Variants in GLYR1 observed in about 807,000 individuals in gnomAD.
The protein encoded by GLYR1 is glyoxylate reductase 1 homolog, also known as cytokine-like nuclear factor N-PAC.
In GLYR1, 21 loss-of-function variants were observed where a neutral mutation model predicts 72.7. The ratio of observed to expected loss-of-function variants is 0.29; its 90% CI spans 0.20 to 0.42. GLYR1 has a LOEUF of 0.42. Among genes scored for constraint, GLYR1 ranks in the 10% least tolerant of loss-of-function variants. GLYR1 has a pLI of 1.00. For missense variants in GLYR1, 594 were observed against 712.1 expected, an observed-to-expected ratio of 0.83 and a Z score of 1.89; for synonymous variants, 392 against 270.2, an observed-to-expected ratio of 1.45 and a Z score of -4.42.
At chr16:4,845,996 C>A (rs761791416) in intron 2 of GLYR1, among the ~76,000 whole-genome samples, 178 bp downstream of exon 2, 2 of 152,170 alleles carry the variant, frequency 1.3e-5, no homozygotes, top group Non-Finnish European at 2.9e-5. Context: ...ATTTAATGAT[C>A]TGGTGTATAC....
At chr16:4,823,599 G>T (rs1200296612) in intron 6 of GLYR1, among the ~76,000 whole-genome samples, 1 of 152,186 alleles carries the variant, frequency 6.6e-6, no homozygotes, top group Admixed American at 6.5e-5. Flanking sequence ...GTAAATGAAT[G>T]CTAAGTGGGC....
Position 4,804,973 on chromosome 16 carries a change from A to T in GLYR1, c.*263T>A. On this transcript the variant is annotated 3_prime_UTR_variant, in exon 16 of 16. Transcript: ENST00000321919. ...TGTGTGTGTGTGTGTGTGTGTGTGA[A>T]CACACAGCCACCTCGTCCGGGGGGC... is the stretch of plus-strand genomic sequence containing the variant. 1 of 474,518 alleles carries T rather than the reference A, an allele frequency of 2.1e-6. No homozygotes were observed. The highest frequency in any genetic ancestry group is 2.3e-5 in the South Asian group (1 of 44,402). The allele number at this position is 474,518 out of a possible 1,614,324, so 29.4% of individuals were successfully genotyped here.
chr16:4,843,870 T>TGGGGAGGGGGGGGGGGTG, intron 3 of GLYR1: 1 of 92,872 alleles, frequency 1.1e-5, no homozygotes, highest in South Asian at 2.7e-4. Context: ...CTGAGGGGGT[T>TGGGGAGGGGGGGGGGGTG]GGGGGGGGGA....
intron 15 of GLYR1, among the ~76,000 whole-genome samples, chr16:4,809,756 T>C (rs2083219636): frequency 6.6e-6 from 1 of 151,594 alleles, no homozygotes; most frequent in African/African-American, 2.4e-5. Flanking sequence ...AAACCTCATC[T>C]CTACTAAAAA....
chr16:4,841,219 T>A (rs2085521714), intron 3 of GLYR1, among the ~76,000 whole-genome samples: 1 of 152,134 alleles, frequency 6.6e-6, no homozygotes, highest in Non-Finnish European at 1.5e-5. Context: ...TTCACCTGTT[T>A]GCCTGGTTAA....
chr16:4,832,749 A>T (rs1379298348), intron 4 of GLYR1, 25 bp downstream of exon 4: 16 of 1,591,576 alleles, frequency 1.0e-5, no homozygotes, highest in East Asian at 9.0e-5. Context: ...TGGCATTGGT[A>T]GAAAGTGAAC....
In GLYR1 at chr16:4,831,997, C is replaced by T; in HGVS notation, c.519G>A (p.Arg173=). ...AQEQSPRKRG[R]PPKDEKDLTI... ...AACAAACCTTCTCATCCTTTGGGGGCCGACCCCGCTTCCGGGGACTTTGCT... is the reference window on the plus strand; with the variant it reads ...AACAAACCTTCTCATCCTTTGGGGGTCGACCCCGCTTCCGGGGACTTTGCT... The change falls in exon 5 of 16, where the codon CGG becomes CGA. Residue 173 remains arginine (R), a synonymous_variant. Transcript: ENST00000321919. 6.2e-7 allele frequency: 1 copy of T among 1,613,734 alleles called. No individual in the cohort carries two copies. The highest frequency in any genetic ancestry group is 2.2e-5 in the East Asian group (1 of 44,884).
At position 4,804,322 on chromosome 16, in the gene GLYR1, T is replaced by A. The variant is rs2082850384; in HGVS notation, c.*914A>T. 1 of 152,950 alleles carries A rather than the reference T, an allele frequency of 6.5e-6. No homozygotes were observed. The highest frequency in any genetic ancestry group is 2.4e-5 in the African/African-American group (1 of 41,398). The allele number at this position is 152,950 out of a possible 1,614,324, so 9.5% of individuals were successfully genotyped here. A position where few individuals can be genotyped will look rare whatever the true frequency, so the allele number is the denominator to read the frequency against. Reference sequence around the variant, plus strand: ...GCTCTTCAGAGCCAGGTGAAGAGTCTGTGGCCTAACGGAAACAGAAAGGAG... The same window carrying A: ...GCTCTTCAGAGCCAGGTGAAGAGTCAGTGGCCTAACGGAAACAGAAAGGAG... On this transcript the variant is annotated 3_prime_UTR_variant, in exon 16 of 16. Transcript: ENST00000321919.
intron 10 of GLYR1, among the ~76,000 whole-genome samples, chr16:4,816,319 T>C (rs1443130668): frequency 1.3e-5 from 2 of 152,050 alleles, no homozygotes; most frequent in Admixed American, 6.6e-5. Context: ...GCTAATATTT[T>C]ATTTTTTGTA....
Position 4,814,222 on chromosome 16 carries a change from T to G in GLYR1, c.1017+315A>C, listed in dbSNP as rs1393245462. On this transcript the variant is annotated intron_variant, in intron 11 of 15. Coordinates refer to ENST00000321919, the MANE Select transcript of GLYR1 (RefSeq NM_032569.4). ...ATACAAATACAGTGACAGCTAAACA[T>G]AGAAGCTTGGCACCTGGACCAAAGG... Among the ~76,000 whole-genome samples the G allele has an allele frequency of 3.3e-5, 5 of 152,330 alleles. No homozygotes were observed. In the East Asian group the frequency reaches 9.6e-4, roughly 29 times the overall value.
At position 4,846,191 on chromosome 16, in the gene GLYR1, G is replaced by T. The variant is rs761236845; in HGVS notation, c.58C>A (p.Pro20Thr). 1 of 1,613,914 alleles carries T rather than the reference G, an allele frequency of 6.2e-7. No homozygotes were observed. The highest frequency in any genetic ancestry group is 1.3e-5 in the African/African-American group (1 of 75,024). Residue 20 changes from proline (P) to threonine (T), a missense_variant, in exon 2 of 16, where the codon CCT becomes ACT. Around this residue, in one of 5 missense-constraint regions of GLYR1, gnomAD observed 62 missense variants for 82.5 expected, o/e 0.75. Transcript: ENST00000321919. Reference sequence around the variant, plus strand: ...ACACTCACCTTTCCTGGCCAAGGAGGATATCGGCCGAGTTTCCCCCTAGAG... The same window carrying T: ...ACACTCACCTTTCCTGGCCAAGGAGTATATCGGCCGAGTTTCCCCCTAGAG... ...DLVWGKLGRYPPWPGKIVNPP... is the reference protein window; with the variant it reads ...DLVWGKLGRYTPWPGKIVNPP...
In GLYR1 at chr16:4,820,978, GTGGTTC is replaced by G. The variant is rs1403444443; in HGVS notation, c.806+396_806+401del. Reference sequence around the variant, plus strand: ...GCCTCATCATGATTCTACTCAGCCAGTGGTTCTCACAGCGTAGCTCTGACCAGCAGC... The same window carrying G: ...GCCTCATCATGATTCTACTCAGCCAGTCACAGCGTAGCTCTGACCAGCAGC... On this transcript the variant is annotated intron_variant, in intron 9 of 15. Transcript: ENST00000321919. Among the ~76,000 whole-genome samples, 3 of 152,254 alleles carry G rather than the reference GTGGTTC, an allele frequency of 2.0e-5. No homozygotes were observed. In the East Asian group the frequency reaches 5.8e-4, roughly 29 times the overall value.
chr16:4,832,160 C>T lies in GLYR1; in HGVS notation c.356G>A (p.Arg119Lys). The T allele has an allele frequency of 1.2e-6, 2 of 1,614,132 alleles. No individual in the cohort carries two copies. Among genetic ancestry groups the T allele is most frequent in the East Asian group, 2.2e-5 (1 of 44,884 alleles). ...NRRNSSEERS[R>K]PNSGDEKRKL... is the part of the protein sequence containing the mutation. ...GCGCTTCTCATCACCTGAGTTTGGC[C>T]TACTTCTCTCCTCACTGGAATTACG... is the stretch of plus-strand genomic sequence containing the variant. The change falls in exon 5 of 16, where the codon AGG becomes AAG. Residue 119 changes from arginine (R) to lysine (K), a missense_variant. By Grantham distance (26) the Arg-to-Lys change is conservative. Transcript: ENST00000321919.
intron 2 of GLYR1, among the ~76,000 whole-genome samples, chr16:4,845,703 C>T (rs1317573400): frequency 6.6e-6 from 1 of 152,170 alleles, no homozygotes. Context: ...ATTTGGAAAG[C>T]AATGATGGAT....
intron 15 of GLYR1, among the ~76,000 whole-genome samples, chr16:4,810,903 G>T (rs962191125): frequency 6.6e-6 from 1 of 151,482 alleles, no homozygotes; most frequent in Non-Finnish European, 1.5e-5. Flanking sequence ...TCAGGAGTTC[G>T]AGACCAGCCT....
chr16:4,811,508 G>A, intron 14 of GLYR1, 115 bp downstream of exon 14: 1 of 1,373,184 alleles, frequency 7.3e-7, no homozygotes, highest in South Asian at 1.2e-5. Context: ...ACCTCCTCTG[G>A]CCAGGGTCAG....
At chr16:4,813,406 G>T (rs1040376737) in intron 12 of GLYR1, among the ~76,000 whole-genome samples, 7 of 152,202 alleles carry the variant, frequency 4.6e-5, no homozygotes, top group African/African-American at 1.7e-4. Context: ...TGGGCCAGAT[G>T]CTCGGGGAGG....
intron 3 of GLYR1, among the ~76,000 whole-genome samples, chr16:4,840,512 T>C (rs184591643): frequency 3.0e-4 from 46 of 152,170 alleles, no homozygotes; most frequent in Admixed American, 2.9e-3. Context: ...CCAACTCTCA[T>C]ATTCCTTTCT....
At chr16:4,822,969 G>A (rs2075466) in intron 6 of GLYR1, 38 bp from the exon 7 acceptor site, 2 of 1,564,376 alleles carry the variant, frequency 1.3e-6, no homozygotes, top group Non-Finnish European at 8.8e-7. Context: ...CCAGTTATCT[G>A]CCACCAAAGG....
Sources: gnomAD v4.1 joint callset for allele counts (sites outside exome capture counted in the v4.1 genomes callset) on GRCh38, gnomAD v4.1.1 for gene constraint, gnomAD v4.1.1 regional missense constraint, MANE v1.5 for transcripts, NCBI Gene and HGNC (gene_info 2026-07-23, HGNC 2026-07-21) for gene names.